Variants in ZFPM2 observed in about 807,000 individuals in gnomAD.
ZFPM2 encodes zinc finger protein, FOG family member 2, also known as zinc finger protein ZFPM2.
Under a neutral mutation model 98.6 loss-of-function variants are expected in ZFPM2, and 20 were observed. The ratio of observed to expected loss-of-function variants is 0.20; its 90% CI spans 0.14 to 0.29. The LOEUF (loss-of-function observed/expected upper bound fraction) is 0.29. ZFPM2 is among the 10% of genes least tolerant of loss of function. ZFPM2 has a pLI of 1.00. For synonymous variants in ZFPM2, 518 were observed against 502.7 expected, an observed-to-expected ratio of 1.03 and a Z score of -0.41; for missense variants, 1,310 against 1,388.6, an observed-to-expected ratio of 0.94 and a Z score of 0.90.
intron 3 of ZFPM2, among the ~76,000 whole-genome samples, chr8:105,484,887 C>A (rs565487615): frequency 6.6e-6 from 1 of 152,132 alleles, no homozygotes; most frequent in Non-Finnish European, 1.5e-5. Context: ...GGAATATTAC[C>A]AACCTAGGGT....
intron 5 of ZFPM2, among the ~76,000 whole-genome samples, chr8:105,649,798 G>T (rs946518978): frequency 6.6e-6 from 1 of 152,094 alleles, no homozygotes; most frequent in Non-Finnish European, 1.5e-5. Flanking sequence ...TTTTATTGAG[G>T]ATTTTTGCAT....
At chr8:105,726,305 T>C (rs1282156453) in intron 5 of ZFPM2, among the ~76,000 whole-genome samples, 10 of 151,808 alleles carry the variant, frequency 6.6e-5, no homozygotes, top group Non-Finnish European at 1.5e-4. Context: ...ATAACCATAG[T>C]ACTTAGCACT....
chr8:105,555,069 T>G (rs1814954392), intron 3 of ZFPM2, among the ~76,000 whole-genome samples: 1 of 151,992 alleles, frequency 6.6e-6, no homozygotes, highest in African/African-American at 2.4e-5. Flanking sequence ...GGTAGTGATT[T>G]CTGACTTAGG....
At chr8:105,410,154 A>C (rs1246477989) in intron 1 of ZFPM2, among the ~76,000 whole-genome samples, 1 of 151,894 alleles carries the variant, frequency 6.6e-6, no homozygotes, top group East Asian at 1.9e-4. Context: ...AGAAGAAAAA[A>C]GTTTACATAT....
chr8:105,480,270 G>A (rs1813088582), intron 3 of ZFPM2, among the ~76,000 whole-genome samples: 1 of 152,126 alleles, frequency 6.6e-6, no homozygotes, highest in Non-Finnish European at 1.5e-5. Flanking sequence ...ATTTACCCAG[G>A]GAGCATTGGT....
chr8:105,427,303 A>T (rs1490626314), intron 2 of ZFPM2, among the ~76,000 whole-genome samples: 1 of 152,148 alleles, frequency 6.6e-6, no homozygotes, highest in Non-Finnish European at 1.5e-5. Context: ...AGTTGCAACC[A>T]AATTAAAGTG....
At chr8:105,516,538 G>A (rs185542672) in intron 3 of ZFPM2, among the ~76,000 whole-genome samples, 2 of 152,250 alleles carry the variant, frequency 1.3e-5, no homozygotes, top group East Asian at 1.9e-4. Context: ...CTTCAAGAAG[G>A]TTGGTCTATT....
At chr8:105,331,426 A>G (rs1160571902) in intron 1 of ZFPM2, among the ~76,000 whole-genome samples, 5 of 151,568 alleles carry the variant, frequency 3.3e-5, no homozygotes, top group African/African-American at 4.8e-5. Context: ...GAGAAATAAG[A>G]ACAAGGAGGT....
rs977367280 is a variant in ZFPM2, at chr8:105,495,459, A to AT, written c.301+51085dup. On this transcript the variant is annotated intron_variant, in intron 3 of 7. Transcript: ENST00000407775. The stretch of plus-strand genomic sequence containing the variant: ...AATACATTGGAATGTATAGATTGCC[A>AT]TTTTTTTGTGAATCTTCCACCAATT... Among the ~76,000 whole-genome samples the AT allele has an allele frequency of 2.0e-5, 3 of 152,280 alleles. No homozygotes were observed. The East Asian group carries it at 5.8e-4, about 29-fold the overall frequency.
At chr8:105,382,292 A>G (rs577851591) in intron 1 of ZFPM2, among the ~76,000 whole-genome samples, 58 of 152,126 alleles carry the variant, frequency 3.8e-4, no homozygotes, top group Non-Finnish European at 6.2e-4. Context: ...TTTAAAAATC[A>G]TAAGTTATTC....
At chr8:105,671,616 G>A (rs999441725) in intron 5 of ZFPM2, among the ~76,000 whole-genome samples, 4 of 151,784 alleles carry the variant, frequency 2.6e-5, no homozygotes, top group Non-Finnish European at 5.9e-5. Flanking sequence ...GTAAATCTTG[G>A]AAAGATCATT....
At chr8:105,767,973 G>A (rs558654665) in intron 5 of ZFPM2, among the ~76,000 whole-genome samples, 1 of 151,974 alleles carries the variant, frequency 6.6e-6, no homozygotes, top group African/African-American at 2.4e-5. Flanking sequence ...CCAATGAAAG[G>A]ATGAAAATAA....
chr8:105,437,088 T>C (rs536248066), intron 2 of ZFPM2, among the ~76,000 whole-genome samples: 1 of 152,334 alleles, frequency 6.6e-6, no homozygotes, highest in African/African-American at 2.4e-5. Context: ...AAAGATTAAA[T>C]AATTAGAAAG....
At chr8:105,743,866 T>A (rs1812281753) in intron 5 of ZFPM2, among the ~76,000 whole-genome samples, 1 of 152,102 alleles carries the variant, frequency 6.6e-6, no homozygotes, top group Non-Finnish European at 1.5e-5. Flanking sequence ...TCAGCCTAGG[T>A]GTCACGTGTT....
chr8:105,663,872 A>G (rs1276306521), intron 5 of ZFPM2, among the ~76,000 whole-genome samples: 1 of 152,232 alleles, frequency 6.6e-6, no homozygotes, highest in East Asian at 1.9e-4. Flanking sequence ...ACAGCGTTTC[A>G]ATTTTTTGAA....
chr8:105,443,333 A>AAAAAAC (rs1812304182), intron 2 of ZFPM2, among the ~76,000 whole-genome samples: 3 of 151,022 alleles, frequency 2.0e-5, no homozygotes, highest in Non-Finnish European at 2.9e-5. Flanking sequence ...AAACAAAAAA[A>AAAAAAC]AAAAAACTTG....
chr8:105,529,649 A>G (rs1215186841), intron 3 of ZFPM2, among the ~76,000 whole-genome samples: 1 of 148,796 alleles, frequency 6.7e-6, no homozygotes, highest in Non-Finnish European at 1.5e-5. Flanking sequence ...CACATTGCTT[A>G]GGAAGAAATC....
chr8:105,372,102 G>T (rs1327274674), intron 1 of ZFPM2, among the ~76,000 whole-genome samples: 1 of 151,602 alleles, frequency 6.6e-6, no homozygotes, highest in African/African-American at 2.4e-5. Flanking sequence ...GAGTGCAGTG[G>T]CGTGATCTCG....
intron 5 of ZFPM2, among the ~76,000 whole-genome samples, chr8:105,783,276 G>A (rs1242085939): frequency 8.9e-6 from 1 of 112,602 alleles, no homozygotes; most frequent in Non-Finnish European, 1.7e-5. Context: ...CTTTATAAAA[G>A]TTATATTCTT....
Sources: allele counts gnomAD v4.1 joint callset (sites outside exome capture counted in the v4.1 genomes callset), GRCh38; gene constraint gnomAD v4.1.1; transcripts MANE v1.5; gene names NCBI Gene and HGNC (gene_info 2026-07-23, HGNC 2026-07-21).